Variants in AFMID observed in about 807,000 individuals in gnomAD.
The protein encoded by AFMID is kynurenine formamidase.
A neutral mutation model predicts 47.5 loss-of-function variants in AFMID; 39 were observed. The ratio of observed to expected loss-of-function variants is 0.82; its 90% CI spans 0.64 to 1.07. AFMID has a LOEUF of 1.07. AFMID is among the 50% of genes least tolerant of loss of function. The pLI is 0.00. For synonymous variants in AFMID, 130 were observed against 153.2 expected (o/e 0.85, Z 1.12); for missense variants, 375 against 387.5 (o/e 0.97, Z 0.27).
At chr17:78,203,655 T>C (rs955952671) in intron 4 of AFMID, 3 of 152,124 alleles carry the variant, frequency 2.0e-5, no homozygotes, top group Admixed American at 2.0e-4. Flanking sequence ...ATTTGGGAAT[T>C]TGGGATCTTG....
At chr17:78,187,556 A>C in intron 1 of AFMID, 123 bp downstream of exon 1, 1 of 979,432 alleles carries the variant, frequency 1.0e-6, no homozygotes, top group Non-Finnish European at 1.6e-6. Flanking sequence ...CAGAGCGCCT[A>C]GTGCGTGCCA....
intron 2 of AFMID, among the ~76,000 whole-genome samples, chr17:78,195,662 C>G (rs953760322): frequency 1.3e-5 from 2 of 151,880 alleles, no homozygotes; most frequent in Non-Finnish European, 2.9e-5. Context: ...GCCACCACGT[C>G]CAGCTAATTT....
At chr17:78,206,606 T>C (rs2076389779) in intron 10 of AFMID, among the ~76,000 whole-genome samples, 1 of 151,758 alleles carries the variant, frequency 6.6e-6, no homozygotes, top group South Asian at 2.1e-4. Flanking sequence ...GGGGTCTCTC[T>C]ATGTTCCCCA....
chr17:78,207,074 A>G lies in AFMID; in HGVS notation c.*137A>G. On this transcript the variant is annotated 3_prime_UTR_variant, in exon 11 of 11. Coordinates refer to ENST00000409257, the MANE Select transcript of AFMID (RefSeq NM_001010982.5). Reference sequence around the variant, plus strand: ...CCTTGCTGTGTCTGTCTGCCCGGCAAGAGTCCATTCTCACTGCTGGGACAC... The same window carrying G: ...CCTTGCTGTGTCTGTCTGCCCGGCAGGAGTCCATTCTCACTGCTGGGACAC... The G allele has an allele frequency of 1.1e-6, 1 of 926,726 alleles. No individual in the cohort carries two copies. Among genetic ancestry groups the G allele is most frequent in the Non-Finnish European group, 1.7e-6 (1 of 572,286 alleles). 57.4% of individuals were successfully genotyped at this position (926,726 alleles called of 1,614,324 possible). A position where few individuals can be genotyped will look rare whatever the true frequency, so the allele number is the denominator to read the frequency against.
intron 2 of AFMID, among the ~76,000 whole-genome samples, chr17:78,195,886 C>T (rs1419801436): frequency 6.6e-6 from 1 of 152,016 alleles, no homozygotes; most frequent in Non-Finnish European, 1.5e-5. Flanking sequence ...TGCTCTGTCA[C>T]CCAGGCTGGA....
Position 78,205,121 on chromosome 17 carries a change from G to A in AFMID, c.496G>A (p.Gly166Arg), listed in dbSNP as rs770906558. Reference protein sequence around the residue: ...KGIYLCGHSAGAHLAAMMLLA... With the variant: ...KGIYLCGHSARAHLAAMMLLA... Reference sequence around the variant, plus strand: ...AATTTACCTGTGTGGACACTCAGCCGGGGCCCACCTGGCTGCCATGATGCT... The same window carrying A: ...AATTTACCTGTGTGGACACTCAGCCAGGGCCCACCTGGCTGCCATGATGCT... Residue 166 changes from glycine to arginine, a missense_variant, in exon 7 of 11, where the codon GGG (glycine) becomes AGG (arginine). Transcript: ENST00000409257. 36 of 1,612,346 alleles carry A rather than the reference G, an allele frequency of 2.2e-5. No individual in the cohort carries two copies. In the African/African-American group the frequency reaches 2.5e-4, roughly 11 times the overall value.
At chr17:78,206,779 A>G in intron 10 of AFMID, 132 bp from the exon 11 acceptor site, 1 of 906,708 alleles carries the variant, frequency 1.1e-6, no homozygotes, top group Admixed American at 1.9e-5. Context: ...TGATCTTCCC[A>G]CCTCAGCCTC....
At chr17:78,192,455 C>T (rs1025616607) in intron 2 of AFMID, among the ~76,000 whole-genome samples, 1 of 151,700 alleles carries the variant, frequency 6.6e-6, no homozygotes, top group Non-Finnish European at 1.5e-5. Flanking sequence ...GCTGGGATTA[C>T]AGGCCTGTGC....
intron 2 of AFMID, among the ~76,000 whole-genome samples, chr17:78,196,160 T>C (rs1156755287): frequency 2.0e-5 from 3 of 151,582 alleles, no homozygotes; most frequent in Non-Finnish European, 4.4e-5. Context: ...AGGTCAAGAG[T>C]TCACGGCCAG....
chr17:78,206,158 A>T (rs1599018709), intron 10 of AFMID, 108 bp downstream of exon 10: 1 of 867,616 alleles, frequency 1.2e-6, no homozygotes, highest in Non-Finnish European at 1.9e-6. Context: ...CAACATGGAG[A>T]AACTCCGTGT....
At chr17:78,206,147 C>T in intron 10 of AFMID, 97 bp downstream of exon 10, 1 of 1,014,520 alleles carries the variant, frequency 9.9e-7, no homozygotes, top group Non-Finnish European at 1.5e-6. Flanking sequence ...ACCAGCCTGG[C>T]CAACATGGAG....
At chr17:78,196,415 C>T (rs1251942749) in intron 2 of AFMID, among the ~76,000 whole-genome samples, 1 of 150,046 alleles carries the variant, frequency 6.7e-6, no homozygotes, top group African/African-American at 2.5e-5. Context: ...CAGAGGCTCA[C>T]GCCTGTAATC....
rs1311865262 is a variant in AFMID at position 78,205,156 on chromosome 17, C to A, written c.531C>A (p.Asp177Glu). The change falls in exon 7 of 11, where the codon GAC becomes GAA. Residue 177 changes from aspartate to glutamate, a missense_variant. Physicochemically the swap from Asp to Glu is conservative, Grantham distance 45 (BLOSUM62 2). Transcript: ENST00000409257. The stretch of plus-strand genomic sequence containing the variant: ...TGGCTGCCATGATGCTCCTGGCCGA[C>A]TGGACCAAGCATGGGGTCACGCCCA... ...AHLAAMMLLA[D>E]WTKHGVTPNL... is the part of the protein sequence containing the mutation. 1 of 1,612,960 alleles carries A rather than the reference C, an allele frequency of 6.2e-7. No homozygotes were observed. The highest frequency in any genetic ancestry group is 8.5e-7 in the Non-Finnish European group (1 of 1,179,562).
chr17:78,195,428 C>T (rs904004716), intron 2 of AFMID, among the ~76,000 whole-genome samples: 4 of 151,386 alleles, frequency 2.6e-5, no homozygotes, highest in African/African-American at 9.7e-5. Flanking sequence ...CTCCTGGCCT[C>T]AGGTGATCCG....
chr17:78,198,151 C>G (rs1472088464), intron 2 of AFMID, among the ~76,000 whole-genome samples: 1 of 152,048 alleles, frequency 6.6e-6, no homozygotes, highest in African/African-American at 2.4e-5. Context: ...CTTGTTTGAA[C>G]CTAGGAGGTT....
intron 2 of AFMID, among the ~76,000 whole-genome samples, chr17:78,200,240 C>CT (rs2076213031): frequency 6.6e-6 from 1 of 152,178 alleles, no homozygotes; most frequent in Non-Finnish European, 1.5e-5. Context: ...ACTGCAACCT[C>CT]TGCCTCCGGG....
Position 78,205,073 on chromosome 17 carries a change from T to A in AFMID, c.468-20T>A, listed in dbSNP as rs751660687. ...GGGAAACTGCGTGCAAATCCAGCTC[T>A]CTGCTCTGACCCCTCCCAGGGGAAT... is the stretch of plus-strand genomic sequence containing the variant. On this transcript the variant is annotated intron_variant, in intron 6 of 10. Coordinates refer to ENST00000409257, the MANE Select transcript of AFMID (RefSeq NM_001010982.5). 1 of 1,600,064 alleles carries A rather than the reference T, an allele frequency of 6.2e-7. No individual in the cohort carries two copies. Among genetic ancestry groups the A allele is most frequent in the Non-Finnish European group, 8.5e-7 (1 of 1,172,340 alleles).
rs1328069811 is a variant in AFMID at position 78,187,447 on chromosome 17, A to C, written c.63+14A>C. On this transcript the variant is annotated intron_variant, in intron 1 of 10. Coordinates refer to ENST00000409257, the MANE Select transcript of AFMID (RefSeq NM_001010982.5). ...ATGTCTGCAGAGGTAGGTGGATTGC[A>C]GGGAGGGACTAAGGGGCTGGGGCGG... The C allele has an allele frequency of 1.1e-5, 17 of 1,613,690 alleles. No individual in the cohort carries two copies. The highest frequency in any genetic ancestry group is 1.4e-5 in the Non-Finnish European group (17 of 1,179,798).
At chr17:78,196,952 C>G (rs2076130349) in intron 2 of AFMID, among the ~76,000 whole-genome samples, 1 of 152,136 alleles carries the variant, frequency 6.6e-6, no homozygotes, top group Non-Finnish European at 1.5e-5. Flanking sequence ...TGTCTCTGCA[C>G]CCCAGCTGTC....
Sources: allele counts gnomAD v4.1 joint callset (sites outside exome capture counted in the v4.1 genomes callset), GRCh38; gene constraint gnomAD v4.1.1; transcripts MANE v1.5; gene names NCBI Gene and HGNC (gene_info 2026-07-23, HGNC 2026-07-21).